The following TMEM106B variants were observed in gnomAD, a reference collection of about 807,000 sequenced individuals.
TMEM106B encodes transmembrane protein 106B.
Under a neutral mutation model 31.1 loss-of-function variants are expected in TMEM106B, and 15 were observed. The ratio of observed to expected loss-of-function variants is 0.48; its 90% confidence interval spans 0.32 to 0.74. TMEM106B has a LOEUF of 0.74. Among genes scored for constraint, TMEM106B ranks in the 30% least tolerant of loss-of-function variants. The pLI, the probability that TMEM106B is intolerant of heterozygous loss-of-function variation, is 0.03. For synonymous variants in TMEM106B, 126 were observed against 112.5 expected, an observed-to-expected ratio of 1.12 and a Z score of -0.76; for missense variants, 283 against 327.3, an observed-to-expected ratio of 0.86 and a Z score of 1.04.
chr7:12,217,513 T>C (rs1781710822), intron 2 of TMEM106B, among the ~76,000 whole-genome samples: 1 of 152,156 alleles, frequency 6.6e-6, no homozygotes, highest in Non-Finnish European at 1.5e-5. Context: ...GTGAGTGTAG[T>C]TGTGTGTTTT....
At chr7:12,231,258 C>A (rs1782016320) in intron 7 of TMEM106B, 143 bp downstream of exon 7, 4 of 585,354 alleles carry the variant, frequency 6.8e-6, no homozygotes, top group Admixed American at 3.6e-5. Context: ...GTAAATATCA[C>A]CCACTTTAAA....
chr7:12,215,123 G>T, intron 2 of TMEM106B, 96 bp downstream of exon 2: 2 of 987,182 alleles, frequency 2.0e-6, no homozygotes, highest in Non-Finnish European at 3.0e-6. Flanking sequence ...TGTTTTAGAG[G>T]ACTCTTAGAA....
intron 2 of TMEM106B, chr7:12,215,703 C>G: frequency 3.8e-6 from 1 of 265,882 alleles, no homozygotes; most frequent in Admixed American, 4.3e-5. Context: ...CAGCTGTGAG[C>G]CACCACGCCT....
At chr7:12,226,032 CTTGAG>C (rs1238399953) in intron 4 of TMEM106B, among the ~76,000 whole-genome samples, 2 of 152,076 alleles carry the variant, frequency 1.3e-5, no homozygotes, top group Non-Finnish European at 1.5e-5. Context: ...TTTACTCCAT[CTTGAG>C]TTAATTTTTG....
chr7:12,219,019 AT>A (rs1365452623), intron 3 of TMEM106B, among the ~76,000 whole-genome samples: 1 of 137,910 alleles, frequency 7.3e-6, no homozygotes, highest in African/African-American at 2.9e-5. Flanking sequence ...ATCTGTAAAA[AT>A]GACAAGATTT....
In TMEM106B at chr7:12,240,668, G is replaced by A. The variant is rs1297147440; in HGVS notation, c.*8693G>A. ...GAAGAATCATTAATAAGTTTGTGAG[G>A]CTTTTTTTTTTTTTCTGGTAGATTT... On this transcript the variant is annotated 3_prime_UTR_variant, in exon 8 of 8. Transcript: ENST00000396668. 6.8e-6 allele frequency: 1 copy of A among 146,664 alleles called. No homozygotes were observed. Among genetic ancestry groups the A allele is most frequent in the Non-Finnish European group, 1.5e-5 (1 of 66,160 alleles). 9.1% of individuals were successfully genotyped at this position (146,664 alleles called of 1,614,324 possible).
intron 4 of TMEM106B, among the ~76,000 whole-genome samples, chr7:12,228,987 C>T (rs1781960103): frequency 6.6e-6 from 1 of 151,760 alleles, no homozygotes; most frequent in Admixed American, 6.6e-5. Flanking sequence ...TTTGTAAGGG[C>T]TCTTTGCATG....
intron 2 of TMEM106B, among the ~76,000 whole-genome samples, chr7:12,217,154 G>A (rs1375446518): frequency 6.6e-6 from 1 of 152,140 alleles, no homozygotes; most frequent in Non-Finnish European, 1.5e-5. Context: ...TGAATAGACA[G>A]AAGGGCAGAT....
intron 3 of TMEM106B, among the ~76,000 whole-genome samples, chr7:12,219,652 G>A (rs2128524927): frequency 6.6e-6 from 1 of 152,188 alleles, no homozygotes; most frequent in African/African-American, 2.4e-5. Flanking sequence ...GGGAGTATGT[G>A]CAAAGAGAAT....
chr7:12,223,807 G>A (rs1781837989), intron 3 of TMEM106B, among the ~76,000 whole-genome samples: 1 of 146,912 alleles, frequency 6.8e-6, no homozygotes, highest in African/African-American at 2.5e-5. Flanking sequence ...TCCAACCTCT[G>A]CCTCCCGGGT....
At chr7:12,213,266 C>T (rs1224532906) in intron 1 of TMEM106B, among the ~76,000 whole-genome samples, 3 of 111,332 alleles carry the variant, frequency 2.7e-5, no homozygotes, top group South Asian at 6.8e-4. Context: ...ACATTGGCTT[C>T]ATAATTTTAA....
intron 4 of TMEM106B, among the ~76,000 whole-genome samples, chr7:12,229,008 T>C (rs971305916): frequency 6.6e-6 from 1 of 152,156 alleles, no homozygotes; most frequent in Non-Finnish European, 1.5e-5. Context: ...TTATAGATTA[T>C]AACCGATGCT....
rs1480032332 is a variant in TMEM106B at position 12,235,423 on chromosome 7, G to A, written c.*3448G>A. 1 of 152,080 alleles carries A rather than the reference G, an allele frequency of 6.6e-6. No homozygotes were observed. Among genetic ancestry groups the A allele is most frequent in the Non-Finnish European group, 1.5e-5 (1 of 67,810 alleles). The allele number at this position is 152,080 out of a possible 1,614,324, so 9.4% of individuals were successfully genotyped here. On this transcript the variant is annotated 3_prime_UTR_variant, in exon 8 of 8. Coordinates refer to ENST00000396668, the MANE Select transcript of TMEM106B (RefSeq NM_001134232.2). ...TTTTTCTGTGCCTTGTTAGGCCAGT[G>A]AAGCAATTATTTTCTCTAAGAAAAT...
rs1351551818 is a variant in TMEM106B, at chr7:12,236,178, T to C, written c.*4203T>C. 1 of 151,960 alleles carries C rather than the reference T, an allele frequency of 6.6e-6. No individual in the cohort carries two copies. The highest frequency in any genetic ancestry group is 1.5e-5 in the Non-Finnish European group (1 of 67,860). The allele number at this position is 151,960 out of a possible 1,614,324, so 9.4% of individuals were successfully genotyped here. ...ATTTTCACTTGTCAGCTTAAATTTC[T>C]GACTAGAACTAACATTTGTGTATTT... On this transcript the variant is annotated 3_prime_UTR_variant, in exon 8 of 8. Coordinates refer to ENST00000396668, the MANE Select transcript of TMEM106B (RefSeq NM_001134232.2).
chr7:12,223,850 A>G (rs1781839336), intron 3 of TMEM106B, among the ~76,000 whole-genome samples: 1 of 151,548 alleles, frequency 6.6e-6, no homozygotes, highest in African/African-American at 2.4e-5. Flanking sequence ...CCTCCTGAGT[A>G]GCTGGGATTA....
rs71027479 is a variant in TMEM106B, at chr7:12,221,087, A to AGTGTGTGTGTGTGT, written c.281+2577_281+2590dup. On this transcript the variant is annotated intron_variant, in intron 3 of 7. Coordinates refer to ENST00000396668, the MANE Select transcript of TMEM106B (RefSeq NM_001134232.2). ...GAAGAGGGAGTGGATAAGCAAGTAA[A>AGTGTGTGTGTGTGT]GTGTGTGTGTGTGTGTGTGTGTGTC... Among the ~76,000 whole-genome samples, 752 of 150,048 alleles carry AGTGTGTGTGTGTGT rather than the reference A, an allele frequency of 5.0e-3. 4 individuals carry two copies. Among genetic ancestry groups the AGTGTGTGTGTGTGT allele is most frequent in the African/African-American group, 0.011 (432 of 40,724 alleles).
At chr7:12,215,164 C>G in intron 2 of TMEM106B, 137 bp downstream of exon 2, 1 of 650,172 alleles carries the variant, frequency 1.5e-6, no homozygotes, top group Non-Finnish European at 2.5e-6. Context: ...CAGTTACCTT[C>G]AGTCAAAAAG....
chr7:12,234,025 CCTTT>C lies in TMEM106B; in HGVS notation c.*2053_*2056del, dbSNP rs1263002245. On this transcript the variant is annotated 3_prime_UTR_variant, in exon 8 of 8. Transcript: ENST00000396668. ...TAAAAAAAAAGTTATTTTATCATAT[CCTTT>C]CTATTATGTTCCCATCCTGTCCTCA... The C allele has an allele frequency of 1.3e-5, 2 of 151,642 alleles. No homozygotes were observed. The highest frequency in any genetic ancestry group is 3.0e-5 in the Non-Finnish European group (2 of 67,670). The allele number at this position is 151,642 out of a possible 1,614,324, so 9.4% of individuals were successfully genotyped here.
chr7:12,215,674 TC>T, intron 2 of TMEM106B: 1 of 354,036 alleles, frequency 2.8e-6, no homozygotes, highest in Non-Finnish European at 6.1e-6. Flanking sequence ...AGCCTTGGCC[TC>T]CCAAAGTGTT....
Sources: allele counts gnomAD v4.1 joint callset (sites outside exome capture counted in the v4.1 genomes callset), GRCh38; gene constraint gnomAD v4.1.1; transcripts MANE v1.5; gene names NCBI Gene and HGNC (gene_info 2026-07-23, HGNC 2026-07-21).